CRB1: variants seen among roughly 807,000 people sequenced by gnomAD.
CRB1 encodes crumbs cell polarity complex component 1.
Under a neutral mutation model 120.0 loss-of-function variants are expected in CRB1, and 83 were observed. That is an observed-to-expected ratio of 0.69 (90% confidence interval 0.58 to 0.83). The LOEUF is 0.83. CRB1 is among the 40% of genes least tolerant of loss of function. The probability of loss-of-function intolerance (pLI) is 0.00; values close to 1 mark genes in which losing one functional copy is unlikely to be tolerated. For missense variants in CRB1, 1,699 were observed against 1,687.6 expected (o/e 1.01, Z -0.12); for synonymous variants, 625 against 612.5 (o/e 1.02, Z -0.30).
At chr1:197,399,896 C>A (rs1256933081) in intron 5 of CRB1, among the ~76,000 whole-genome samples, 2 of 152,150 alleles carry the variant, frequency 1.3e-5, no homozygotes, top group African/African-American at 2.4e-5. Context: ...ACAGAGTCTT[C>A]TGGCAAGGTG....
chr1:197,303,128 TTTA>T (rs1319982078), intron 1 of CRB1, among the ~76,000 whole-genome samples: 1 of 151,182 alleles, frequency 6.6e-6, no homozygotes, highest in Non-Finnish European at 1.5e-5. Flanking sequence ...TATTTATTTA[TTTA>T]TTATTTTATT....
intron 1 of CRB1, among the ~76,000 whole-genome samples, chr1:197,285,124 A>T (rs995230105): frequency 6.6e-6 from 1 of 151,942 alleles, no homozygotes; most frequent in African/African-American, 2.4e-5. Context: ...TGTCAACATG[A>T]AAGTCCCCTT....
In CRB1 at chr1:197,428,016, T is replaced by A. The variant is rs370353322; in HGVS notation, c.2676+15T>A. The A allele has an allele frequency of 1.4e-5, 23 of 1,609,648 alleles. No individual in the cohort carries two copies. The Middle Eastern group carries it at 4.9e-4, about 35-fold the overall frequency. ...ACAGCTGCAAGGTAATGATTACTCA[T>A]ACAAACTAGGTATATACTGTATGCT... is the stretch of plus-strand genomic sequence containing the variant. On this transcript the variant is annotated intron_variant, in intron 7 of 11. Transcript: ENST00000367400.
chr1:197,443,437 T>A (rs566635016), intron 11 of CRB1: 14 of 152,156 alleles, frequency 9.2e-5, no homozygotes, highest in Admixed American at 2.0e-4. Flanking sequence ...AGAACAATTT[T>A]TCTGTTGTTT....
chr1:197,370,641 C>A (rs550787769), intron 5 of CRB1, among the ~76,000 whole-genome samples: 15 of 152,278 alleles, frequency 9.9e-5, no homozygotes, highest in African/African-American at 3.6e-4. Flanking sequence ...CATAACCTAT[C>A]AAAACCTCTG....
intron 2 of CRB1, among the ~76,000 whole-genome samples, chr1:197,335,094 A>T (rs1046672419): frequency 2.6e-5 from 4 of 152,232 alleles, no homozygotes; most frequent in Non-Finnish European, 5.9e-5. Flanking sequence ...CTTGTGGAAT[A>T]GCATTCCAGG....
chr1:197,271,276 C>T lies in CRB1; in HGVS notation c.70+2794C>T, dbSNP rs187447796. On this transcript the variant is annotated intron_variant, in intron 1 of 11. Transcript: ENST00000367400. ...TTGAAGGAATCAATGATTCTTTCTTCGAACTTTGAAATATGTTCCCTTAAA... is the reference window on the plus strand; with the variant it reads ...TTGAAGGAATCAATGATTCTTTCTTTGAACTTTGAAATATGTTCCCTTAAA... Among the ~76,000 whole-genome samples the T allele has an allele frequency of 3.6e-3, 545 of 152,230 alleles. 19 individuals carry two copies. Among genetic ancestry groups the T allele is most frequent in the Admixed American group, 0.032 (495 of 15,276 alleles).
chr1:197,204,753 T>A, the CRB1 span, among the ~76,000 whole-genome samples: 1 of 152,222 alleles, frequency 6.6e-6, no homozygotes, highest in Non-Finnish European at 1.5e-5. Context: ...TTGTTTCTTT[T>A]GCTGTGCAGA....
the CRB1 span, among the ~76,000 whole-genome samples, chr1:197,251,761 T>C: frequency 6.6e-6 from 1 of 151,994 alleles, no homozygotes; most frequent in Non-Finnish European, 1.5e-5. Context: ...AATTTTTTTA[T>C]GTGTTTGTGC....
At chr1:197,294,468 C>G (rs1372589183) in intron 1 of CRB1, among the ~76,000 whole-genome samples, 1 of 152,116 alleles carries the variant, frequency 6.6e-6, no homozygotes, top group African/African-American at 2.4e-5. Flanking sequence ...GGACTATAAA[C>G]TAATTCAACC....
chr1:197,286,771 G>A (rs1469557866), intron 1 of CRB1, among the ~76,000 whole-genome samples: 1 of 151,732 alleles, frequency 6.6e-6, no homozygotes, highest in African/African-American at 2.4e-5. Context: ...CACTGACATA[G>A]TTCCCATGTT....
chr1:197,363,776 G>A (rs533615086), intron 5 of CRB1: 28 of 661,770 alleles, frequency 4.2e-5, no homozygotes, highest in African/African-American at 3.5e-4. Context: ...CTGGCAACGG[G>A]TCTTTGTGGC....
chr1:197,245,479 G>A, the CRB1 span, among the ~76,000 whole-genome samples: 1 of 152,026 alleles, frequency 6.6e-6, no homozygotes, highest in Non-Finnish European at 1.5e-5. Context: ...CTGCATTCCA[G>A]CCTGGGAGGC....
At position 197,355,966 on chromosome 1, in the gene CRB1, T is replaced by G. The variant is rs149103688; in HGVS notation, c.989-865T>G. On this transcript the variant is annotated intron_variant, in intron 4 of 11. Coordinates refer to ENST00000367400, the MANE Select transcript of CRB1 (RefSeq NM_201253.3). ...CACACTGTCACCTCTCATAATGATA[T>G]TAATTGCAACATCACAATAGCAAAA... Among the ~76,000 whole-genome samples the G allele has an allele frequency of 2.6e-5, 4 of 152,326 alleles. No homozygotes were observed. The East Asian group carries it at 7.7e-4, about 29-fold the overall frequency.
intron 2 of CRB1, among the ~76,000 whole-genome samples, chr1:197,340,455 A>G (rs1659385955): frequency 6.6e-6 from 1 of 151,280 alleles, no homozygotes; most frequent in South Asian, 2.1e-4. Context: ...CAAAAATTTA[A>G]GCAGACGAGG....
intron 1 of CRB1, among the ~76,000 whole-genome samples, chr1:197,305,101 T>A (rs1454552826): frequency 2.6e-5 from 4 of 152,162 alleles, no homozygotes; most frequent in Admixed American, 2.6e-4. Flanking sequence ...TAGAGTTGGT[T>A]TTTATGTCCT....
At position 197,478,058 on chromosome 1, in the gene CRB1, TTATTA is replaced by T. The variant is rs978643459; in HGVS notation, c.*188_*192del. On this transcript the variant is annotated 3_prime_UTR_variant, in exon 12 of 12. Transcript: ENST00000367400. ...AGTGGTTCCGCTCGACACCATTGTT[TTATTA>T]TATTATATCAGCCAATTGCAAAAAA... The T allele has an allele frequency of 5.6e-5, 38 of 676,774 alleles. No homozygotes were observed. The Middle Eastern group carries it at 1.1e-3, about 19-fold the overall frequency. 41.9% of individuals were successfully genotyped at this position (676,774 alleles called of 1,614,324 possible).
At chr1:197,427,219 A>G (rs1282211377) in intron 6 of CRB1, among the ~76,000 whole-genome samples, 3 of 152,222 alleles carry the variant, frequency 2.0e-5, no homozygotes, top group African/African-American at 7.2e-5. Context: ...AGTGTAAACT[A>G]CAAACCAAAA....
chr1:197,243,744 C>A, the CRB1 span, among the ~76,000 whole-genome samples: 6 of 152,024 alleles, frequency 3.9e-5, no homozygotes. Flanking sequence ...TTTTCTGTCT[C>A]GTTGATCTGT....
Sources: allele counts gnomAD v4.1 joint callset (sites outside exome capture counted in the v4.1 genomes callset), GRCh38; gene constraint gnomAD v4.1.1; transcripts MANE v1.5; gene names NCBI Gene and HGNC (gene_info 2026-07-23, HGNC 2026-07-21).